KCNQ1OT1: variants seen among roughly 807,000 people sequenced by gnomAD.
KCNQ1OT1 encodes KCNQ1 opposite strand/antisense transcript 1.
At chr11:2,640,305 T>A (rs932331199) in exon 1 of KCNQ1OT1, 7 of 398,204 alleles carry the variant, frequency 1.8e-5, no homozygotes, top group African/African-American at 1.2e-4. Flanking sequence ...TCACTCACGC[T>A]GGGAGCTATA....
At position 2,659,345 on chromosome 11, in the gene KCNQ1OT1, A is replaced by T. The variant is rs562053280; in HGVS notation, n.40650T>A. 1 of 398,570 alleles carries T rather than the reference A, an allele frequency of 2.5e-6. No homozygotes were observed. The highest frequency in any genetic ancestry group is 2.1e-5 in the African/African-American group (1 of 48,740). The allele number at this position is 398,570 out of a possible 1,614,324, so 24.7% of individuals were successfully genotyped here. A position where few individuals can be genotyped will look rare whatever the true frequency, so the allele number is the denominator to read the frequency against. On this transcript the variant is annotated non_coding_transcript_exon_variant, in exon 1 of 1. Coordinates refer to ENST00000597346, the Ensembl canonical transcript of KCNQ1OT1. This position sits in a 1 kb window ranked among gnomAD's most constrained non-coding sequence, Gnocchi z 4.3. ...TTTTCTAGAATGTCCTATAAATGGG[A>T]TCCTATAATATGTATTCTTTTGCAT... is the stretch of plus-strand genomic sequence containing the variant.
chr11:2,699,907 C>T (rs1231229318), exon 1 of KCNQ1OT1: 3 of 397,714 alleles, frequency 7.5e-6, no homozygotes, highest in Non-Finnish European at 8.9e-6. Flanking sequence ...AGAGGCACCC[C>T]GGCAGAATCG....
In KCNQ1OT1 at chr11:2,682,472, T is replaced by C; in HGVS notation, n.17523A>G. Reference sequence around the variant, plus strand: ...CTGTCACGGACCCTCAGTGAATGTTTGACGAGTGAGTGAGTGAGTGAGTGA... The same window carrying C: ...CTGTCACGGACCCTCAGTGAATGTTCGACGAGTGAGTGAGTGAGTGAGTGA... On this transcript the variant is annotated non_coding_transcript_exon_variant, in exon 1 of 1. Coordinates refer to ENST00000597346, the Ensembl canonical transcript of KCNQ1OT1. This position sits in a 1 kb window ranked among gnomAD's most constrained non-coding sequence, Gnocchi z 5.8. 1 of 318,498 alleles carries C rather than the reference T, an allele frequency of 3.1e-6. No homozygotes were observed. The highest frequency in any genetic ancestry group is 5.7e-5 in the East Asian group (1 of 17,522). 19.7% of individuals were successfully genotyped at this position (318,498 alleles called of 1,614,324 possible).
exon 1 of KCNQ1OT1, chr11:2,685,716 G>A (rs2133885806): frequency 2.5e-6 from 1 of 398,698 alleles, no homozygotes; most frequent in Non-Finnish European, 4.4e-6. Context: ...CCCCAGGGAG[G>A]GTGCTCTGAC....
exon 1 of KCNQ1OT1, chr11:2,643,514 C>T (rs943272389): frequency 1.3e-5 from 5 of 398,286 alleles, no homozygotes; most frequent in African/African-American, 1.0e-4. Context: ...AATATCTTTT[C>T]CCATTCCTTT....
chr11:2,675,080 G>A, exon 1 of KCNQ1OT1: 1 of 398,686 alleles, frequency 2.5e-6, no homozygotes, highest in Admixed American at 4.4e-5. Context: ...AGAGGCTAGT[G>A]TGGGCATGTC....
exon 1 of KCNQ1OT1, chr11:2,649,007 C>CTTTTTTTTTTTTTTTTTTTTTTTT (rs1849715724): frequency 3.7e-6 from 1 of 271,238 alleles, no homozygotes; most frequent in Non-Finnish European, 6.0e-6. Context: ...TTTTTTTTGA[C>CTTTTTTTTTTTTTTTTTTTTTTTT]TCAGTATTTT....
rs948764113 is a variant in KCNQ1OT1, at chr11:2,687,069, G to C, written n.12926C>G. The C allele has an allele frequency of 2.5e-6, 1 of 398,528 alleles. No homozygotes were observed. Among genetic ancestry groups the C allele is most frequent in the Non-Finnish European group, 4.4e-6 (1 of 226,086 alleles). The allele number at this position is 398,528 out of a possible 1,614,324, so 24.7% of individuals were successfully genotyped here. A position where few individuals can be genotyped will look rare whatever the true frequency, so the allele number is the denominator to read the frequency against. On this transcript the variant is annotated non_coding_transcript_exon_variant, in exon 1 of 1. Coordinates refer to ENST00000597346, the Ensembl canonical transcript of KCNQ1OT1. The surrounding 1 kb of genome is among the most constrained non-coding windows in gnomAD (Gnocchi z 5.0). Reference sequence around the variant, plus strand: ...TCTGGGGGACAAGGACCCACAAAGTGATGCAAGATATCCTGAGTTGGGTGT... The same window carrying C: ...TCTGGGGGACAAGGACCCACAAAGTCATGCAAGATATCCTGAGTTGGGTGT...
exon 1 of KCNQ1OT1, chr11:2,609,299 GTGT>G (rs1268739973): frequency 5.0e-6 from 2 of 398,176 alleles, no homozygotes; most frequent in Non-Finnish European, 8.9e-6. Context: ...TAAGAATGTA[GTGT>G]TGTTTAATTT....
exon 1 of KCNQ1OT1, chr11:2,692,330 C>G: frequency 7.5e-6 from 3 of 398,968 alleles, no homozygotes; most frequent in Non-Finnish European, 1.3e-5. Context: ...TCCTGATAGG[C>G]CACCATTTCT....
Position 2,642,513 on chromosome 11 carries a change from G to A in KCNQ1OT1, n.57482C>T, listed in dbSNP as rs1849595258. ...ATTTTTGTATTTCATGGTATGAGTT[G>A]TAATATCCCCTTTTTCATTTTTGAT... On this transcript the variant is annotated non_coding_transcript_exon_variant, in exon 1 of 1. Transcript: ENST00000597346. The surrounding 1 kb of genome is among the most constrained non-coding windows in gnomAD (Gnocchi z 4.3). The A allele has an allele frequency of 2.5e-6, 1 of 397,810 alleles. No homozygotes were observed. Among genetic ancestry groups the A allele is most frequent in the South Asian group, 1.3e-4 (1 of 7,856 alleles). The allele number at this position is 397,810 out of a possible 1,614,324, so 24.6% of individuals were successfully genotyped here.
rs1849659346 is a variant in KCNQ1OT1, at chr11:2,645,959, G to C, written n.54036C>G. The C allele has an allele frequency of 2.5e-6, 1 of 398,586 alleles. No individual in the cohort carries two copies. Among genetic ancestry groups the C allele is most frequent in the East Asian group, 3.6e-5 (1 of 28,078 alleles). 24.7% of individuals were successfully genotyped at this position (398,586 alleles called of 1,614,324 possible). A position where few individuals can be genotyped will look rare whatever the true frequency, so the allele number is the denominator to read the frequency against. Reference sequence around the variant, plus strand: ...TAGTCTCAAGGCATCTATGGGTCAGGGGGTTCTCTGACTAGGATTTCAGGA... The same window carrying C: ...TAGTCTCAAGGCATCTATGGGTCAGCGGGTTCTCTGACTAGGATTTCAGGA... On this transcript the variant is annotated non_coding_transcript_exon_variant, in exon 1 of 1. Coordinates refer to ENST00000597346, the Ensembl canonical transcript of KCNQ1OT1. This position sits in a 1 kb window ranked among gnomAD's most constrained non-coding sequence, Gnocchi z 5.8.
exon 1 of KCNQ1OT1, chr11:2,662,699 G>A (rs949598761): frequency 2.0e-5 from 8 of 402,508 alleles, no homozygotes; most frequent in Non-Finnish European, 2.6e-5. Flanking sequence ...TGACAGCCGT[G>A]CAGCGGGGTC....
At chr11:2,635,948 G>A (rs1286527683) in exon 1 of KCNQ1OT1, 2 of 152,156 alleles carry the variant, frequency 1.3e-5, no homozygotes, top group Admixed American at 6.5e-5. Flanking sequence ...TGAAGCAATT[G>A]TGAATGGGAG....
At chr11:2,616,595 C>A (rs987825573) in exon 1 of KCNQ1OT1, 1 of 397,942 alleles carries the variant, frequency 2.5e-6, no homozygotes, top group Admixed American at 4.4e-5. Flanking sequence ...TCGTCATTTT[C>A]ACTTTTTGAA....
At position 2,683,678 on chromosome 11, in the gene KCNQ1OT1, G is replaced by C. The variant is rs1850437382; in HGVS notation, n.16317C>G. On this transcript the variant is annotated non_coding_transcript_exon_variant, in exon 1 of 1. Transcript: ENST00000597346. This position sits in a 1 kb window ranked among gnomAD's most constrained non-coding sequence, Gnocchi z 4.7. ...CTTACTTTCCCATCTCAATACAACTGTGAAAAGCCTAGCCTGGGACTCAGG... is the reference window on the plus strand; with the variant it reads ...CTTACTTTCCCATCTCAATACAACTCTGAAAAGCCTAGCCTGGGACTCAGG... The C allele has an allele frequency of 5.0e-6, 2 of 398,600 alleles. No individual in the cohort carries two copies. The highest frequency in any genetic ancestry group is 7.1e-5 in the East Asian group (2 of 28,078). The allele number at this position is 398,600 out of a possible 1,614,324, so 24.7% of individuals were successfully genotyped here. A position where few individuals can be genotyped will look rare whatever the true frequency, so the allele number is the denominator to read the frequency against.
At position 2,642,672 on chromosome 11, in the gene KCNQ1OT1, A is replaced by G. The variant is rs1366979433; in HGVS notation, n.57323T>C. On this transcript the variant is annotated non_coding_transcript_exon_variant, in exon 1 of 1. Transcript: ENST00000597346. The surrounding 1 kb of genome is among the most constrained non-coding windows in gnomAD (Gnocchi z 4.3). The stretch of plus-strand genomic sequence containing the variant: ...TAGTTTCTTGTTTAGTTCTGCTCTG[A>G]TCTTCGTTATTTCTTTCCTTCTACT... 2.5e-6 allele frequency: 1 copy of G among 397,406 alleles called. No individual in the cohort carries two copies. The highest frequency in any genetic ancestry group is 2.1e-5 in the African/African-American group (1 of 48,482). The allele number at this position is 397,406 out of a possible 1,614,324, so 24.6% of individuals were successfully genotyped here.
Position 2,662,398 on chromosome 11 carries a change from A to G in KCNQ1OT1, n.37597T>C, listed in dbSNP as rs1231423965. ...CCCCAGCCCCCTCCCCTGCCCCCCA[A>G]AAAAGAGACGACTTTGTTTTTTAGC... On this transcript the variant is annotated non_coding_transcript_exon_variant, in exon 1 of 1. Transcript: ENST00000597346. The G allele has an allele frequency of 1.6e-4, 80 of 504,120 alleles. 1 individual carries two copies. The Admixed American group carries it at 2.7e-3, about 17-fold the overall frequency. 31.2% of individuals were successfully genotyped at this position (504,120 alleles called of 1,614,324 possible).
At position 2,613,820 on chromosome 11, in the gene KCNQ1OT1, G is replaced by A. The variant is rs891494533; in HGVS notation, n.86175C>T. The stretch of plus-strand genomic sequence containing the variant: ...TCCTAATTCCCCCTACCCATTATAG[G>A]TAACCAGTTTCAGTGTTTTCTAGTT... On this transcript the variant is annotated non_coding_transcript_exon_variant, in exon 1 of 1. Coordinates refer to ENST00000597346, the Ensembl canonical transcript of KCNQ1OT1. This position sits in a 1 kb window ranked among gnomAD's most constrained non-coding sequence, Gnocchi z 4.8. 5.0e-6 allele frequency: 2 copies of A among 398,224 alleles called. No homozygotes were observed. Among genetic ancestry groups the A allele is most frequent in the Non-Finnish European group, 8.8e-6 (2 of 226,012 alleles). 24.7% of individuals were successfully genotyped at this position (398,224 alleles called of 1,614,324 possible).
Sources: gnomAD v4.1 joint callset for allele counts on GRCh38, gnomAD v4.1.1 for gene constraint, Gnocchi (gnomAD v3.1) non-coding constraint, MANE v1.5 for transcripts, NCBI Gene and HGNC (gene_info 2026-07-23, HGNC 2026-07-21) for gene names.